FOXP1: variants seen among roughly 807,000 people sequenced by gnomAD.
The protein encoded by FOXP1 is forkhead box protein P1.
FOXP1 carries 15 observed loss-of-function variants against 98.2 expected under a neutral mutation model. The ratio of observed to expected loss-of-function variants is 0.15; its 90% CI spans 0.10 to 0.24. The LOEUF is 0.24. Among genes scored for constraint, FOXP1 ranks in the 10% least tolerant of loss-of-function variants. The pLI is 1.00. For synonymous variants in FOXP1, 371 were observed against 314.5 expected, an observed-to-expected ratio of 1.18 and a Z score of -1.90; for missense variants, 633 against 848.5, an observed-to-expected ratio of 0.75 and a Z score of 3.15.
intron 2 of FOXP1, among the ~76,000 whole-genome samples, chr3:71,494,713 ACT>A (rs1353567919): frequency 3.3e-5 from 5 of 152,132 alleles, no homozygotes; most frequent in Admixed American, 6.5e-5. Flanking sequence ...ATCCCCGAAG[ACT>A]CTGATTCACT....
intron 6 of FOXP1, among the ~76,000 whole-genome samples, chr3:71,184,768 TG>T (rs200188586): frequency 8.6e-5 from 13 of 150,892 alleles, no homozygotes; most frequent in East Asian, 7.8e-4. Flanking sequence ...TTTTTTTTTT[TG>T]GGGGGGGCAT....
intron 3 of FOXP1, among the ~76,000 whole-genome samples, chr3:71,427,658 G>A (rs561530597): frequency 6.6e-6 from 1 of 152,376 alleles, no homozygotes; most frequent in Non-Finnish European, 1.5e-5. Context: ...GGACCAGAAT[G>A]AGAGGAGATG....
intron 6 of FOXP1, among the ~76,000 whole-genome samples, chr3:71,145,523 A>G (rs748692142): frequency 6.6e-6 from 1 of 152,078 alleles, no homozygotes; most frequent in Non-Finnish European, 1.5e-5. Context: ...GCCTGGGTGA[A>G]AGAGCGAGAC....
intron 2 of FOXP1, among the ~76,000 whole-genome samples, chr3:71,514,830 C>T (rs1325578607): frequency 6.6e-6 from 1 of 152,212 alleles, no homozygotes; most frequent in African/African-American, 2.4e-5. Flanking sequence ...TCATCTCACA[C>T]CACGCCCAGT....
chr3:71,394,468 C>T (rs1399104687), intron 3 of FOXP1, among the ~76,000 whole-genome samples: 1 of 152,096 alleles, frequency 6.6e-6, no homozygotes, highest in Non-Finnish European at 1.5e-5. Flanking sequence ...GGTAACTATA[C>T]CCACCATGAA....
chr3:70,985,372 T>C (rs1368732217), intron 14 of FOXP1, among the ~76,000 whole-genome samples: 2 of 152,058 alleles, frequency 1.3e-5, no homozygotes, highest in African/African-American at 4.8e-5. Flanking sequence ...GTTTGCTGTA[T>C]GTGTGTGCCC....
chr3:71,050,750 G>A (rs2049774558), intron 9 of FOXP1, among the ~76,000 whole-genome samples: 1 of 152,152 alleles, frequency 6.6e-6, no homozygotes, highest in Non-Finnish European at 1.5e-5. Context: ...GTTTACATCT[G>A]ATGTGACTCA....
intron 2 of FOXP1, among the ~76,000 whole-genome samples, chr3:71,567,604 T>C (rs2047004194): frequency 6.6e-6 from 1 of 152,214 alleles, no homozygotes; most frequent in Non-Finnish European, 1.5e-5. Flanking sequence ...GAGCCCCAAC[T>C]GTCCAATGCA....
At chr3:71,469,652 GATC>G (rs2089132087) in intron 3 of FOXP1, among the ~76,000 whole-genome samples, 1 of 152,174 alleles carries the variant, frequency 6.6e-6, no homozygotes, top group East Asian at 1.9e-4. Context: ...GGGCTTTGAT[GATC>G]ATATTAGAGT....
chr3:71,256,533 A>G (rs1484031131), intron 5 of FOXP1, among the ~76,000 whole-genome samples: 1 of 151,914 alleles, frequency 6.6e-6, no homozygotes, highest in Non-Finnish European at 1.5e-5. Context: ...ACAGGTGCCC[A>G]CTATCACACC....
chr3:71,331,948 C>T (rs2076344604), intron 4 of FOXP1, among the ~76,000 whole-genome samples: 1 of 152,118 alleles, frequency 6.6e-6, no homozygotes, highest in South Asian at 2.1e-4. Flanking sequence ...CAATCAGCAC[C>T]CTGTCAACAT....
chr3:71,030,658 T>C (rs2046743703), intron 11 of FOXP1, among the ~76,000 whole-genome samples: 1 of 152,252 alleles, frequency 6.6e-6, no homozygotes, highest in African/African-American at 2.4e-5. Context: ...AAGTGTCCTG[T>C]GACTTCTGTC....
chr3:71,428,137 C>A (rs145717783), intron 3 of FOXP1, among the ~76,000 whole-genome samples: 1 of 152,100 alleles, frequency 6.6e-6, no homozygotes, highest in Admixed American at 6.5e-5. Context: ...CTTTTCCTCC[C>A]GTAGGAGGGT....
intron 3 of FOXP1, among the ~76,000 whole-genome samples, chr3:71,407,314 G>A (rs565159175): frequency 5.3e-5 from 8 of 152,088 alleles, no homozygotes; most frequent in South Asian, 2.1e-4. Context: ...TGGGGTGGGG[G>A]GTGGCGGGAA....
chr3:71,030,866 T>C (rs535073050), intron 11 of FOXP1, among the ~76,000 whole-genome samples: 1 of 152,362 alleles, frequency 6.6e-6, no homozygotes, highest in South Asian at 2.1e-4. Context: ...CGAGACATCT[T>C]GTTCTTGTCA....
chr3:71,496,373 T>C (rs569044528), intron 2 of FOXP1, among the ~76,000 whole-genome samples: 2 of 152,088 alleles, frequency 1.3e-5, no homozygotes, highest in African/African-American at 2.4e-5. Flanking sequence ...CAGGTCAGAA[T>C]ATCATACTCG....
At chr3:70,974,011 G>A (rs540036356) in intron 17 of FOXP1, among the ~76,000 whole-genome samples, 1 of 152,070 alleles carries the variant, frequency 6.6e-6, no homozygotes, top group Non-Finnish European at 1.5e-5. Context: ...TTCTGATATG[G>A]AATATTTAGA....
intron 14 of FOXP1, among the ~76,000 whole-genome samples, chr3:70,981,483 C>A (rs577282043): frequency 3.3e-5 from 5 of 152,138 alleles, no homozygotes; most frequent in African/African-American, 1.2e-4. Context: ...AATTAGGAGA[C>A]GCGGATGGAG....
intron 10 of FOXP1, among the ~76,000 whole-genome samples, chr3:71,046,333 G>T (rs1334812504): frequency 6.6e-6 from 1 of 152,110 alleles, no homozygotes. Flanking sequence ...CTCAGTTGTT[G>T]AGGAACTGGA....
Sources: gnomAD v4.1 joint callset for allele counts (sites outside exome capture counted in the v4.1 genomes callset) on GRCh38, gnomAD v4.1.1 for gene constraint, MANE v1.5 for transcripts, NCBI Gene and HGNC (gene_info 2026-07-23, HGNC 2026-07-21) for gene names.